Variants in HPCA observed in about 807,000 individuals in gnomAD.
HPCA encodes the protein hippocalcin.
A neutral mutation model predicts 18.2 loss-of-function variants in HPCA; 4 were observed. The observed-to-expected ratio is 0.22, with a 90% CI of 0.11 to 0.50. The LOEUF is 0.50. Ranked by LOEUF, HPCA falls within the 20% of genes least tolerant of loss-of-function variation. HPCA has a pLI of 0.97. For missense variants in HPCA, 161 were observed against 265.8 expected (o/e 0.61, Z 2.74); for synonymous variants, 93 against 103.5 (o/e 0.90, Z 0.61).
chr1:32,893,549 T>G lies in HPCA; in HGVS notation c.404T>G (p.Val135Gly). The change falls in exon 3 of 4, where the codon GTG (valine) becomes GGG (glycine). Residue 135 changes from valine (V) to glycine (G), a missense_variant. Coordinates refer to ENST00000373467, the MANE Select transcript of HPCA (RefSeq NM_002143.3). This position sits in a 1 kb window ranked among gnomAD's most constrained non-coding sequence, Gnocchi z 7.5. ...GCCATTTACAAGATGGTTTCGTCCGTGATGAAGATGCCGGAGGACGAGTCG... is the reference window on the plus strand; with the variant it reads ...GCCATTTACAAGATGGTTTCGTCCGGGATGAAGATGCCGGAGGACGAGTCG... The part of the protein sequence containing the change: ...VQAIYKMVSS[V>G]MKMPEDESTP... 6.2e-7 allele frequency: 1 copy of G among 1,611,608 alleles called. No homozygotes were observed. Among genetic ancestry groups the G allele is most frequent in the Non-Finnish European group, 8.5e-7 (1 of 1,178,494 alleles).
At chr1:32,892,550 G>C (rs899586208) in intron 2 of HPCA, among the ~76,000 whole-genome samples, 2 of 152,182 alleles carry the variant, frequency 1.3e-5, no homozygotes, top group Non-Finnish European at 2.9e-5. Context: ...AGGCCTGTGT[G>C]TGACGGGAGT....
chr1:32,893,242 C>T lies in HPCA; in HGVS notation c.379-282C>T, dbSNP rs1192181521. ...CGGTGTCCTCCAACATCTCTCCTGA[C>T]CCCTGCGCCCGCTCGGAGCTTCCAC... On this transcript the variant is annotated intron_variant, in intron 2 of 3. Coordinates refer to ENST00000373467, the MANE Select transcript of HPCA (RefSeq NM_002143.3). This position sits in a 1 kb window ranked among gnomAD's most constrained non-coding sequence, Gnocchi z 7.5. Among the ~76,000 whole-genome samples, 3 of 152,146 alleles carry T rather than the reference C, an allele frequency of 2.0e-5. No homozygotes were observed. Among genetic ancestry groups the T allele is most frequent in the Non-Finnish European group, 4.4e-5 (3 of 68,014 alleles).
intron 1 of HPCA, among the ~76,000 whole-genome samples, chr1:32,888,253 T>C (rs1036692635): frequency 6.6e-6 from 1 of 152,148 alleles, no homozygotes; most frequent in African/African-American, 2.4e-5. Context: ...GGAGCTGGGA[T>C]TCAAACCTAG....
intron 1 of HPCA, among the ~76,000 whole-genome samples, chr1:32,888,212 C>T (rs1276890317): frequency 6.6e-6 from 1 of 152,186 alleles, no homozygotes; most frequent in Admixed American, 6.5e-5. Context: ...GTTTAAGGAA[C>T]TTGCCCAAGG....
In HPCA at chr1:32,886,799, G is replaced by A. The variant is rs1159063833; in HGVS notation, c.-22+284G>A. On this transcript the variant is annotated intron_variant, in intron 1 of 3. Transcript: ENST00000373467. The surrounding 1 kb of genome is among the most constrained non-coding windows in gnomAD (Gnocchi z 7.0). Reference sequence around the variant, plus strand: ...CTAGTGCTGAGCGGATGGAGGCGGGGGCTGGGGGACAGAGCTGAGGGAGGT... The same window carrying A: ...CTAGTGCTGAGCGGATGGAGGCGGGAGCTGGGGGACAGAGCTGAGGGAGGT... Among the ~76,000 whole-genome samples, 3 of 152,152 alleles carry A rather than the reference G, an allele frequency of 2.0e-5. No homozygotes were observed. Among genetic ancestry groups the A allele is most frequent in the African/African-American group, 4.8e-5 (2 of 41,420 alleles).
Position 32,889,171 on chromosome 1 carries a change from G to C in HPCA, c.273G>C (p.Val91=), listed in dbSNP as rs1470086371. The part of the protein sequence containing the change: ...DFREFIIALS[V]TSRGRLEQKL... ...GGGAGTTCATCATTGCGCTGAGCGT[G>C]ACCTCGCGCGGCCGCCTGGAGCAGA... is the stretch of plus-strand genomic sequence containing the variant. Residue 91 remains valine, a synonymous_variant, in exon 2 of 4, where the codon GTG becomes GTC. Coordinates refer to ENST00000373467, the MANE Select transcript of HPCA (RefSeq NM_002143.3). This position sits in a 1 kb window ranked among gnomAD's most constrained non-coding sequence, Gnocchi z 4.6. 3.1e-6 allele frequency: 5 copies of C among 1,614,262 alleles called. No individual in the cohort carries two copies. Among genetic ancestry groups the C allele is most frequent in the Non-Finnish European group, 3.4e-6 (4 of 1,180,052 alleles).
Position 32,889,791 on chromosome 1 carries a change from T to C in HPCA, c.378+515T>C, listed in dbSNP as rs1420524993. On this transcript the variant is annotated intron_variant, in intron 2 of 3. Transcript: ENST00000373467. The surrounding 1 kb of genome is among the most constrained non-coding windows in gnomAD (Gnocchi z 4.6). Reference sequence around the variant, plus strand: ...TGGGGTCATGCATTGCATCTAGTTCTCATGTCTCTTTAGCCCCCTTTAATC... The same window carrying C: ...TGGGGTCATGCATTGCATCTAGTTCCCATGTCTCTTTAGCCCCCTTTAATC... 6.6e-6 allele frequency among the ~76,000 whole-genome samples: 1 copy of C among 152,248 alleles called. No individual in the cohort carries two copies. The highest frequency in any genetic ancestry group is 1.5e-5 in the Non-Finnish European group (1 of 68,040).
chr1:32,891,480 G>A (rs187772065), intron 2 of HPCA, among the ~76,000 whole-genome samples: 5 of 152,304 alleles, frequency 3.3e-5, no homozygotes, highest in Admixed American at 2.6e-4. Context: ...GACAAGCTCA[G>A]TGACAGGGGT....
intron 1 of HPCA, among the ~76,000 whole-genome samples, 181 bp from the exon 2 acceptor site, chr1:32,888,697 G>T (rs1263772891): frequency 6.6e-6 from 1 of 152,182 alleles, no homozygotes; most frequent in Non-Finnish European, 1.5e-5. Context: ...ATGGTGTGGA[G>T]CATGGCATAG....
chr1:32,888,360 G>C (rs1286303880), intron 1 of HPCA, among the ~76,000 whole-genome samples: 1 of 152,176 alleles, frequency 6.6e-6, no homozygotes, highest in South Asian at 2.1e-4. Flanking sequence ...TGGGCTGCGG[G>C]TATATTCAGT....
At chr1:32,887,998 T>C (rs370599700) in intron 1 of HPCA, among the ~76,000 whole-genome samples, 13 of 152,244 alleles carry the variant, frequency 8.5e-5, no homozygotes, top group African/African-American at 3.1e-4. Flanking sequence ...CAGTTATCGG[T>C]ATACATTCAT....
Position 32,893,007 on chromosome 1 carries a change from T to G in HPCA, c.379-517T>G, listed in dbSNP as rs1416835660. Among the ~76,000 whole-genome samples, 4 of 151,700 alleles carry G rather than the reference T, an allele frequency of 2.6e-5. No individual in the cohort carries two copies. Among genetic ancestry groups the G allele is most frequent in the East Asian group, 1.9e-4 (1 of 5,146 alleles). ...TGTTCCCCGCCCCTCTGGGCCCAGC[T>G]GCCTCTGGCCCTCCAGCCCGCGCCG... On this transcript the variant is annotated intron_variant, in intron 2 of 3. Transcript: ENST00000373467. The surrounding 1 kb of genome is among the most constrained non-coding windows in gnomAD (Gnocchi z 7.5).
intron 1 of HPCA, 55 bp from the exon 2 acceptor site, chr1:32,888,823 G>T: frequency 6.7e-7 from 1 of 1,486,192 alleles, no homozygotes; most frequent in Non-Finnish European, 9.0e-7. Flanking sequence ...GCAGTGTCTA[G>T]TAGCCAGGAG....
At position 32,893,917 on chromosome 1, in the gene HPCA, G is replaced by A; in HGVS notation, c.*55G>A. 1 of 1,240,048 alleles carries A rather than the reference G, an allele frequency of 8.1e-7. No individual in the cohort carries two copies. Among genetic ancestry groups the A allele is most frequent in the Non-Finnish European group, 1.2e-6 (1 of 868,646 alleles). 76.8% of individuals were successfully genotyped at this position (1,240,048 alleles called of 1,614,324 possible). On this transcript the variant is annotated 3_prime_UTR_variant, in exon 4 of 4. Coordinates refer to ENST00000373467, the MANE Select transcript of HPCA (RefSeq NM_002143.3). This position sits in a 1 kb window ranked among gnomAD's most constrained non-coding sequence, Gnocchi z 7.5. ...TTCACCGGCCCCCTCCCGGCTCTTA[G>A]CTTCCACTCCCTTGTGTGTATTCTG...
chr1:32,890,248 G>A (rs1305903177), intron 2 of HPCA, among the ~76,000 whole-genome samples: 2 of 152,212 alleles, frequency 1.3e-5, no homozygotes, highest in Non-Finnish European at 2.9e-5. Flanking sequence ...TCTGGAAGTG[G>A]CCTTCAATCT....
intron 1 of HPCA, 65 bp from the exon 2 acceptor site, chr1:32,888,813 G>T: frequency 1.4e-6 from 2 of 1,423,388 alleles, no homozygotes; most frequent in Non-Finnish European, 1.9e-6. Context: ...CCCATCTGGA[G>T]CAGTGTCTAG....
chr1:32,887,646 G>T (rs990822290), intron 1 of HPCA, among the ~76,000 whole-genome samples: 1 of 152,166 alleles, frequency 6.6e-6, no homozygotes, highest in Non-Finnish European at 1.5e-5. Flanking sequence ...AAGGTTTGCA[G>T]CTCCCTCTCC....
chr1:32,892,952 G>A (rs1244878305), intron 2 of HPCA, among the ~76,000 whole-genome samples: 2 of 152,156 alleles, frequency 1.3e-5, no homozygotes, highest in Non-Finnish European at 1.5e-5. Context: ...CCTGCCCGCT[G>A]CAGATGCTCA....
Position 32,893,673 on chromosome 1 carries a change from T to TTCCAG in HPCA, c.484+44_484+45insTCCAG. On this transcript the variant is annotated intron_variant, in intron 3 of 3. Coordinates refer to ENST00000373467, the MANE Select transcript of HPCA (RefSeq NM_002143.3). This position sits in a 1 kb window ranked among gnomAD's most constrained non-coding sequence, Gnocchi z 7.5. Reference sequence around the variant, plus strand: ...ACGGGGTGGACGGGGCGGGCGCCTTTCCCTCCCTCCCTCCCTGCCTCCCTT... The same window carrying TTCCAG: ...ACGGGGTGGACGGGGCGGGCGCCTTTTCCAGCCCTCCCTCCCTCCCTGCCTCCCTT... The TTCCAG allele has an allele frequency of 7.6e-7, 1 of 1,314,126 alleles. No homozygotes were observed. Among genetic ancestry groups the TTCCAG allele is most frequent in the Non-Finnish European group, 1.1e-6 (1 of 926,074 alleles). The allele number at this position is 1,314,126 out of a possible 1,614,324, so 81.4% of individuals were successfully genotyped here. A position where few individuals can be genotyped will look rare whatever the true frequency, so the allele number is the denominator to read the frequency against.
Sources: allele counts gnomAD v4.1 joint callset (sites outside exome capture counted in the v4.1 genomes callset), GRCh38; gene constraint gnomAD v4.1.1; non-coding constraint Gnocchi (gnomAD v3.1); transcripts MANE v1.5; gene names NCBI Gene and HGNC (gene_info 2026-07-23, HGNC 2026-07-21).